CFAP299: variants seen among roughly 807,000 people sequenced by gnomAD.
The protein encoded by CFAP299 is cilia and flagella associated protein 299, also known as cilia- and flagella-associated protein 299.
In CFAP299, 21 loss-of-function variants were observed where a neutral mutation model predicts 27.0. That is an observed-to-expected ratio of 0.78 (90% confidence interval 0.55 to 1.12). CFAP299 has a LOEUF of 1.12. Ranked by LOEUF, CFAP299 falls within the 50% of genes most tolerant of loss-of-function variation. The probability of loss-of-function intolerance (pLI) is 0.00; values close to 1 mark genes in which losing one functional copy is unlikely to be tolerated. For synonymous variants in CFAP299, 104 were observed against 98.1 expected (o/e 1.06, Z -0.36); for missense variants, 310 against 276.6 (o/e 1.12, Z -0.86).
chr4:80,959,509 T>G (rs900610866), intron 5 of CFAP299, among the ~76,000 whole-genome samples: 2 of 152,010 alleles, frequency 1.3e-5, no homozygotes, highest in East Asian at 3.9e-4. Context: ...GAAAGGGCAA[T>G]GAAAAAAAAA....
At chr4:80,632,863 G>A (rs962627057) in intron 3 of CFAP299, among the ~76,000 whole-genome samples, 1 of 152,022 alleles carries the variant, frequency 6.6e-6, no homozygotes, top group Non-Finnish European at 1.5e-5. Flanking sequence ...ATGAAGTAAA[G>A]GAAAGACCTT....
At chr4:80,352,299 G>A (rs922559490) in intron 1 of CFAP299, among the ~76,000 whole-genome samples, 10 of 152,202 alleles carry the variant, frequency 6.6e-5, no homozygotes, top group African/African-American at 2.4e-4. Flanking sequence ...CAGGTGCAGT[G>A]ACTCACACCT....
chr4:80,387,227 A>T lies in CFAP299; in HGVS notation c.242+24343A>T. 5 of 1,465,292 alleles carry T rather than the reference A, an allele frequency of 3.4e-6. No individual in the cohort carries two copies. The South Asian group carries it at 5.7e-5, about 17-fold the overall frequency. 90.8% of individuals were successfully genotyped at this position (1,465,292 alleles called of 1,614,324 possible). A position where few individuals can be genotyped will look rare whatever the true frequency, so the allele number is the denominator to read the frequency against. On this transcript the variant is annotated intron_variant, in intron 2 of 5. Coordinates refer to ENST00000358105, the MANE Select transcript of CFAP299 (RefSeq NM_152770.3). The stretch of plus-strand genomic sequence containing the variant: ...CACGCTCAGGTCGTACATCGGGGGT[A>T]AGTCCTTGTTGCAGAAGTGGCCGGG...
At chr4:80,480,451 A>G (rs578071722) in intron 2 of CFAP299, among the ~76,000 whole-genome samples, 9 of 152,144 alleles carry the variant, frequency 5.9e-5, no homozygotes, top group African/African-American at 1.7e-4. Context: ...TATTTGGTCT[A>G]TTCTGTTGGA....
chr4:80,588,429 T>C (rs1250607310), intron 3 of CFAP299, among the ~76,000 whole-genome samples: 2 of 151,152 alleles, frequency 1.3e-5, no homozygotes. Flanking sequence ...TTCAATAATG[T>C]AATCTTATGT....
At chr4:80,662,409 C>T (rs1740898364) in intron 3 of CFAP299, among the ~76,000 whole-genome samples, 1 of 44,960 alleles carries the variant, frequency 2.2e-5, no homozygotes, top group East Asian at 1.6e-3. Flanking sequence ...TGAATTTCCC[C>T]CGAAAAAAAA....
chr4:80,463,648 G>A (rs894490702), intron 2 of CFAP299, among the ~76,000 whole-genome samples: 2 of 151,962 alleles, frequency 1.3e-5, no homozygotes, highest in Non-Finnish European at 2.9e-5. Context: ...GACCTCACAT[G>A]GTCTCTTCTA....
chr4:80,720,038 C>A (rs182844537), intron 3 of CFAP299, among the ~76,000 whole-genome samples: 1 of 152,070 alleles, frequency 6.6e-6, no homozygotes, highest in Non-Finnish European at 1.5e-5. Context: ...CTCCAGGATG[C>A]AGTGAGGATG....
intron 2 of CFAP299, among the ~76,000 whole-genome samples, chr4:80,536,066 G>T (rs1295527369): frequency 2.6e-5 from 4 of 152,172 alleles, no homozygotes; most frequent in Non-Finnish European, 5.9e-5. Context: ...TCCACAAATA[G>T]TTGAAGATCT....
chr4:80,658,685 C>T (rs930193419), intron 3 of CFAP299, among the ~76,000 whole-genome samples: 1 of 152,102 alleles, frequency 6.6e-6, no homozygotes, highest in African/African-American at 2.4e-5. Context: ...TAAGTGGTTT[C>T]CTCTCTATTT....
chr4:80,656,663 G>C (rs1740573338), intron 3 of CFAP299, among the ~76,000 whole-genome samples: 1 of 152,086 alleles, frequency 6.6e-6, no homozygotes, highest in Non-Finnish European at 1.5e-5. Context: ...CTTTGCTATT[G>C]TGAACAGTGC....
At chr4:80,782,488 T>C (rs1448295697) in intron 3 of CFAP299, among the ~76,000 whole-genome samples, 5 of 147,082 alleles carry the variant, frequency 3.4e-5, no homozygotes, top group Admixed American at 2.1e-4. Context: ...TATATGTATA[T>C]ATACACAATA....
chr4:80,799,533 T>C (rs1472037769), intron 3 of CFAP299, among the ~76,000 whole-genome samples: 1 of 82,626 alleles, frequency 1.2e-5, no homozygotes, highest in African/African-American at 5.0e-5. Context: ...ATATATAATA[T>C]ATTTAATACA....
chr4:80,747,971 C>T (rs1001138593), intron 3 of CFAP299, among the ~76,000 whole-genome samples: 4 of 151,980 alleles, frequency 2.6e-5, no homozygotes, highest in African/African-American at 7.2e-5. Flanking sequence ...GATTTACAAA[C>T]CCAATTGGCT....
At chr4:80,851,684 G>A (rs570340379) in intron 3 of CFAP299, among the ~76,000 whole-genome samples, 1 of 152,110 alleles carries the variant, frequency 6.6e-6, no homozygotes, top group African/African-American at 2.4e-5. Context: ...AAGCTATAGG[G>A]TCATGTAGAA....
intron 2 of CFAP299, among the ~76,000 whole-genome samples, chr4:80,560,786 C>T (rs1214452268): frequency 6.6e-6 from 1 of 152,100 alleles, no homozygotes; most frequent in African/African-American, 2.4e-5. Flanking sequence ...AGTGCCAGCT[C>T]AGCTGCAATA....
intron 4 of CFAP299, among the ~76,000 whole-genome samples, chr4:80,925,243 C>T (rs935618573): frequency 4.6e-5 from 7 of 151,940 alleles, no homozygotes; most frequent in African/African-American, 1.7e-4. Context: ...TTCTGTCTTT[C>T]CTGAACAAAA....
intron 3 of CFAP299, among the ~76,000 whole-genome samples, chr4:80,816,027 G>T (rs534226774): frequency 1.0e-3 from 156 of 151,664 alleles, no homozygotes; most frequent in African/African-American, 3.6e-3. Context: ...TTTGAACCTA[G>T]AAAAAGAAAA....
chr4:80,917,959 T>C (rs1480974655), intron 4 of CFAP299, among the ~76,000 whole-genome samples: 1 of 152,186 alleles, frequency 6.6e-6, no homozygotes, highest in Non-Finnish European at 1.5e-5. Flanking sequence ...AAATCATTTG[T>C]ATGAAATGAT....
Sources: allele counts gnomAD v4.1 joint callset (sites outside exome capture counted in the v4.1 genomes callset), GRCh38; gene constraint gnomAD v4.1.1; transcripts MANE v1.5; gene names NCBI Gene and HGNC (gene_info 2026-07-23, HGNC 2026-07-21).